Variants in CLASP2 observed in about 807,000 individuals in gnomAD.
CLASP2 encodes CLIP-associating protein 2.
In CLASP2, 47 loss-of-function variants were observed where a neutral mutation model predicts 194.4. That is an observed-to-expected ratio of 0.24 (90% confidence interval 0.19 to 0.31). The LOEUF (loss-of-function observed/expected upper bound fraction) is 0.31. Among genes scored for constraint, CLASP2 ranks in the 10% least tolerant of loss-of-function variants. CLASP2 has a pLI of 1.00. For missense variants in CLASP2, 1,445 were observed against 1,823.6 expected, an observed-to-expected ratio of 0.79 and a Z score of 3.78; for synonymous variants, 619 against 633.5, an observed-to-expected ratio of 0.98 and a Z score of 0.34.
chr3:33,519,341 A>C (rs1015514883), intron 34 of CLASP2, among the ~76,000 whole-genome samples: 18 of 152,148 alleles, frequency 1.2e-4, no homozygotes, highest in African/African-American at 4.3e-4. Flanking sequence ...GTTAACTTTG[A>C]TAAATGTGTG....
chr3:33,571,196 G>A (rs2063696238), intron 25 of CLASP2, among the ~76,000 whole-genome samples: 1 of 149,174 alleles, frequency 6.7e-6, no homozygotes, highest in Admixed American at 6.8e-5. Flanking sequence ...TGTATTTTTA[G>A]TAGAGACGGG....
chr3:33,548,555 A>C (rs1174179723), intron 30 of CLASP2, among the ~76,000 whole-genome samples: 1 of 152,102 alleles, frequency 6.6e-6, no homozygotes, highest in Non-Finnish European at 1.5e-5. Context: ...CCTGTTTCCC[A>C]AAGTGCTGGA....
intron 18 of CLASP2, among the ~76,000 whole-genome samples, chr3:33,597,479 C>T (rs570087121): frequency 6.6e-6 from 1 of 152,242 alleles, no homozygotes; most frequent in East Asian, 1.9e-4. Flanking sequence ...AGTGTGTGTG[C>T]AGAAGTTGTG....
At chr3:33,678,798 A>T (rs2089293991) in intron 6 of CLASP2, among the ~76,000 whole-genome samples, 2 of 152,220 alleles carry the variant, frequency 1.3e-5, no homozygotes, top group Admixed American at 1.3e-4. Flanking sequence ...CATATTCCAC[A>T]TTCGTGGATA....
At chr3:33,688,075 A>G (rs2090915686) in intron 4 of CLASP2, among the ~76,000 whole-genome samples, 1 of 152,234 alleles carries the variant, frequency 6.6e-6, no homozygotes, top group Admixed American at 6.5e-5. Flanking sequence ...AAAGAGAAAC[A>G]CTTATTACTG....
chr3:33,653,847 A>T (rs371980493), intron 7 of CLASP2, among the ~76,000 whole-genome samples: 1 of 152,174 alleles, frequency 6.6e-6, no homozygotes, highest in Non-Finnish European at 1.5e-5. Flanking sequence ...TCATTAAAAA[A>T]TTATAATAAT....
At chr3:33,613,448 C>T (rs1329503368) in intron 12 of CLASP2, among the ~76,000 whole-genome samples, 2 of 152,190 alleles carry the variant, frequency 1.3e-5, no homozygotes, top group African/African-American at 4.8e-5. Context: ...CTTTAAGACA[C>T]TGGCAACAGA....
rs191758415 is a variant in CLASP2, at chr3:33,570,808, C to A, written c.2700-18G>T. On this transcript the variant is annotated intron_variant, in intron 25 of 38. Transcript: ENST00000682230. ...CAACTCGACTGCCAAGATAATACAG[C>A]GGTTAATTAATATCTTGCTGTAGCA... 4.5e-6 allele frequency: 7 copies of A among 1,557,262 alleles called. No homozygotes were observed. Among genetic ancestry groups the A allele is most frequent in the Non-Finnish European group, 5.2e-6 (6 of 1,149,852 alleles).
chr3:33,569,921 A>G (rs1204772126), intron 26 of CLASP2, among the ~76,000 whole-genome samples: 1 of 152,216 alleles, frequency 6.6e-6, no homozygotes, highest in African/African-American at 2.4e-5. Context: ...GAGATGTGCA[A>G]CAATAAAGTG....
chr3:33,540,774 C>CT (rs34362342), intron 32 of CLASP2, among the ~76,000 whole-genome samples: 37,164 of 138,492 alleles, frequency 0.27, 5,495 homozygotes, highest in Admixed American at 0.39. Context: ...AATACCAACT[C>CT]TTTTTTTTTT....
intron 2 of CLASP2, among the ~76,000 whole-genome samples, chr3:33,693,715 C>T (rs997963074): frequency 2.6e-5 from 4 of 152,112 alleles, no homozygotes; most frequent in Non-Finnish European, 4.4e-5. Context: ...TCCTATTATA[C>T]CACACTGTAT....
intron 1 of CLASP2, among the ~76,000 whole-genome samples, chr3:33,716,478 T>G (rs946766589): frequency 1.3e-5 from 2 of 152,220 alleles, no homozygotes; most frequent in Non-Finnish European, 1.5e-5. Flanking sequence ...ACAGCCCGTG[T>G]AGAAGATGGC....
chr3:33,527,909 G>A (rs1025808995), intron 34 of CLASP2, among the ~76,000 whole-genome samples: 2 of 152,140 alleles, frequency 1.3e-5, no homozygotes, highest in African/African-American at 2.4e-5. Context: ...GTTGCAGAGA[G>A]CCGAGATCAT....
chr3:33,527,112 AAAT>A (rs1273915787), intron 34 of CLASP2, among the ~76,000 whole-genome samples: 12 of 152,218 alleles, frequency 7.9e-5, no homozygotes, highest in African/African-American at 2.9e-4. Context: ...AGAGGACAAG[AAAT>A]AAAAATCAGA....
chr3:33,585,402 G>A (rs1040268898), intron 21 of CLASP2, among the ~76,000 whole-genome samples: 6 of 152,070 alleles, frequency 3.9e-5, no homozygotes, highest in African/African-American at 1.4e-4. Flanking sequence ...AAACCTAGAT[G>A]GTATAGCCTA....
At chr3:33,555,543 T>A (rs1372723023) in intron 29 of CLASP2, among the ~76,000 whole-genome samples, 1 of 151,930 alleles carries the variant, frequency 6.6e-6, no homozygotes, top group African/African-American at 2.4e-5. Flanking sequence ...TTAAAAAAAA[T>A]TTTTTGTAGA....
chr3:33,555,503 T>C (rs1177954043), intron 29 of CLASP2, among the ~76,000 whole-genome samples: 1 of 151,922 alleles, frequency 6.6e-6, no homozygotes, highest in Non-Finnish European at 1.5e-5. Context: ...GTAGATAAGA[T>C]TACAGGTGTG....
rs1034184872 is a variant in CLASP2 at position 33,496,911 on chromosome 3, CACT to C, written c.*1717_*1719del. 1.1e-4 allele frequency: 17 copies of C among 152,502 alleles called. No individual in the cohort carries two copies. Among genetic ancestry groups the C allele is most frequent in the South Asian group, 2.1e-4 (1 of 4,824 alleles). The allele number at this position is 152,502 out of a possible 1,614,324, so 9.4% of individuals were successfully genotyped here. On this transcript the variant is annotated 3_prime_UTR_variant, in exon 39 of 39. Coordinates refer to ENST00000682230, the MANE Select transcript of CLASP2 (RefSeq NM_001365631.1). Reference sequence around the variant, plus strand: ...GAACTTACAAAATTCAAGAGACCACCACTGATACAAGACCGTCTAAAGTTAAAA... The same window carrying C: ...GAACTTACAAAATTCAAGAGACCACCGATACAAGACCGTCTAAAGTTAAAA...
At chr3:33,622,081 G>C (rs2077207906) in intron 11 of CLASP2, 54 bp downstream of exon 11, 3 of 1,282,338 alleles carry the variant, frequency 2.3e-6, no homozygotes, top group Admixed American at 5.5e-5. Flanking sequence ...CAATGAATCA[G>C]TGAATACTAA....
Sources: gnomAD v4.1 joint callset for allele counts (sites outside exome capture counted in the v4.1 genomes callset) on GRCh38, gnomAD v4.1.1 for gene constraint, MANE v1.5 for transcripts, NCBI Gene and HGNC (gene_info 2026-07-23, HGNC 2026-07-21) for gene names.